TOM1L2: variants seen among roughly 807,000 people sequenced by gnomAD.
TOM1L2 encodes target of myb1 like 2 membrane trafficking protein.
TOM1L2 carries 31 observed loss-of-function variants against 67.9 expected under a neutral mutation model. That is an observed-to-expected ratio of 0.46 (90% CI 0.34 to 0.62). TOM1L2 has a LOEUF of 0.62. Ranked by LOEUF, TOM1L2 falls within the 20% of genes least tolerant of loss-of-function variation. The probability of loss-of-function intolerance (pLI) is 0.01; values close to 1 mark genes in which losing one functional copy is unlikely to be tolerated. For synonymous variants in TOM1L2, 256 were observed against 254.0 expected, an observed-to-expected ratio of 1.01 and a Z score of -0.07; for missense variants, 606 against 663.5, an observed-to-expected ratio of 0.91 and a Z score of 0.95.
At position 17,913,273 on chromosome 17, in the gene TOM1L2, G is replaced by A. The variant is rs902132347; in HGVS notation, c.53-5742C>T. On this transcript the variant is annotated intron_variant, in intron 1 of 14. Transcript: ENST00000379504. ...CGTGGGGAGACGGGAGAGGGAGAGG[G>A]AGAGGGAGAGCTGGATTTCAAAGCT... Among the ~76,000 whole-genome samples, 26 of 149,630 alleles carry A rather than the reference G, an allele frequency of 1.7e-4. 1 individual carries two copies. Among genetic ancestry groups the A allele is most frequent in the Non-Finnish European group, 2.5e-4 (17 of 67,970 alleles).
chr17:17,956,741 G>A lies in TOM1L2; in HGVS notation c.52+15521C>T, dbSNP rs2041470740. Among the ~76,000 whole-genome samples, 10 of 152,324 alleles carry A rather than the reference G, an allele frequency of 6.6e-5. No homozygotes were observed. In the South Asian group the frequency reaches 2.1e-3, roughly 32 times the overall value. On this transcript the variant is annotated intron_variant, in intron 1 of 14. Coordinates refer to ENST00000379504, the MANE Select transcript of TOM1L2 (RefSeq NM_001082968.2). ...CCGCAGCTGCTGGCCTGGATGCTAA[G>A]CCCCTCACTGCCCGGGGCCTGCGGT...
At chr17:17,879,807 C>G in intron 6 of TOM1L2, 64 bp from the exon 7 acceptor site, 19 of 1,337,370 alleles carry the variant, frequency 1.4e-5, no homozygotes, top group Non-Finnish European at 1.9e-5. Flanking sequence ...CTTGCAATAT[C>G]AGAATCAGCT....
intron 1 of TOM1L2, among the ~76,000 whole-genome samples, chr17:17,948,417 G>C: frequency 6.6e-6 from 1 of 152,228 alleles, no homozygotes; most frequent in East Asian, 1.9e-4. Context: ...GGGAGGCCAA[G>C]GCAGGCAGAT....
chr17:17,943,676 A>C (rs1598383248), intron 1 of TOM1L2, among the ~76,000 whole-genome samples: 1 of 152,262 alleles, frequency 6.6e-6, no homozygotes, highest in East Asian at 1.9e-4. Flanking sequence ...ACACTGCCCC[A>C]GGTGGTCTGC....
In TOM1L2 at chr17:17,871,055, A is replaced by G. The variant is rs113843062; in HGVS notation, c.778-1582T>C. On this transcript the variant is annotated intron_variant, in intron 7 of 14. Coordinates refer to ENST00000379504, the MANE Select transcript of TOM1L2 (RefSeq NM_001082968.2). Reference sequence around the variant, plus strand: ...GCTCTCCCCAAGTACTTCTGAGAGAATTAATTAATGACTCTAAAGTATTCA... The same window carrying G: ...GCTCTCCCCAAGTACTTCTGAGAGAGTTAATTAATGACTCTAAAGTATTCA... Among the ~76,000 whole-genome samples, 1,414 of 152,326 alleles carry G rather than the reference A, an allele frequency of 9.3e-3. 25 individuals carry two copies. The highest frequency in any genetic ancestry group is 0.033 in the African/African-American group (1,365 of 41,554).
intron 1 of TOM1L2, among the ~76,000 whole-genome samples, chr17:17,920,315 C>T (rs976208608): frequency 2.7e-5 from 4 of 149,478 alleles, no homozygotes; most frequent in African/African-American, 7.4e-5. Flanking sequence ...CTCTTCTCAC[C>T]GTTTCCGCTA....
At chr17:17,968,027 G>C (rs1264414566) in intron 1 of TOM1L2, among the ~76,000 whole-genome samples, 1 of 152,218 alleles carries the variant, frequency 6.6e-6, no homozygotes, top group Non-Finnish European at 1.5e-5. Context: ...CCGCTAACTT[G>C]AGATGAACAC....
chr17:17,878,186 A>C (rs2037521834), intron 7 of TOM1L2, among the ~76,000 whole-genome samples: 1 of 152,246 alleles, frequency 6.6e-6, no homozygotes, highest in African/African-American at 2.4e-5. Context: ...ATTCAAGGGA[A>C]GCCAGGTCCC....
At position 17,882,801 on chromosome 17, in the gene TOM1L2, A is replaced by G; in HGVS notation, c.564T>C (p.Ser188=). The G allele has an allele frequency of 6.2e-7, 1 of 1,614,188 alleles. No homozygotes were observed. The highest frequency in any genetic ancestry group is 1.7e-5 in the Admixed American group (1 of 60,028). Residue 188 remains serine (S), a synonymous_variant, in exon 6 of 15, where the codon AGT becomes AGC. Coordinates refer to ENST00000379504, the MANE Select transcript of TOM1L2 (RefSeq NM_001082968.2). ...GAGGCGGCGAGGAATAGGAACCAGC[A>G]CTTGTCCTCTGCTGTGATTGGGACC... is the stretch of plus-strand genomic sequence containing the variant. ...MPRSQSQQRT[S]AGSYSSPPPA... is the part of the protein sequence containing the mutation.
At chr17:17,908,829 A>G (rs1200381857) in intron 1 of TOM1L2, among the ~76,000 whole-genome samples, 2 of 152,210 alleles carry the variant, frequency 1.3e-5, no homozygotes, top group East Asian at 3.8e-4. Flanking sequence ...ACCCCTTTAC[A>G]CTTTTGATGG....
intron 1 of TOM1L2, among the ~76,000 whole-genome samples, chr17:17,947,546 C>G (rs987349501): frequency 6.6e-6 from 1 of 152,142 alleles, no homozygotes; most frequent in Admixed American, 6.5e-5. Flanking sequence ...TGGCAAGCCA[C>G]GGAAAGAGGC....
At chr17:17,960,052 T>C (rs1181642016) in intron 1 of TOM1L2, among the ~76,000 whole-genome samples, 2 of 152,246 alleles carry the variant, frequency 1.3e-5, no homozygotes, top group African/African-American at 4.8e-5. Flanking sequence ...GAGGAAATTC[T>C]CAGAAAACTT....
Position 17,867,083 on chromosome 17 carries a change from C to T in TOM1L2, c.912-159G>A, listed in dbSNP as rs576929620. Among the ~76,000 whole-genome samples, 400 of 152,226 alleles carry T rather than the reference C, an allele frequency of 2.6e-3. 2 individuals are homozygous for T. The highest frequency in any genetic ancestry group is 9.3e-3 in the African/African-American group (385 of 41,522). ...CCATATATCAACTCTGCCACGGCTT[C>T]CTCTGTGTGGGGCTCCCCCTGAGAG... On this transcript the variant is annotated intron_variant, in intron 8 of 14. Coordinates refer to ENST00000379504, the MANE Select transcript of TOM1L2 (RefSeq NM_001082968.2).
At chr17:17,959,547 C>T (rs2041602951) in intron 1 of TOM1L2, among the ~76,000 whole-genome samples, 1 of 152,178 alleles carries the variant, frequency 6.6e-6, no homozygotes, top group South Asian at 2.1e-4. Context: ...ATAGGAGACT[C>T]TCGCTCTCTG....
chr17:17,911,558 G>A (rs1171214699), intron 1 of TOM1L2, among the ~76,000 whole-genome samples: 2 of 152,220 alleles, frequency 1.3e-5, no homozygotes, highest in Non-Finnish European at 2.9e-5. Context: ...CTGGCCTGGG[G>A]ACAGGACTGA....
intron 6 of TOM1L2, 75 bp from the exon 7 acceptor site, chr17:17,879,818 T>G (rs2037623612): frequency 1.6e-6 from 2 of 1,261,000 alleles, no homozygotes; most frequent in South Asian, 2.4e-5. Flanking sequence ...AGAATCAGCT[T>G]GCTCCTAGTC....
chr17:17,844,038 G>A lies in TOM1L2; in HGVS notation c.*3597C>T, dbSNP rs2035518115. On this transcript the variant is annotated 3_prime_UTR_variant, in exon 15 of 15. Coordinates refer to ENST00000379504, the MANE Select transcript of TOM1L2 (RefSeq NM_001082968.2). ...GGAAGGCCTACTGTAACCCAAGTGG[G>A]TGAGACGTCCCCAAAGCCGACAGTG... 6.6e-6 allele frequency: 1 copy of A among 152,492 alleles called. No individual in the cohort carries two copies. Among genetic ancestry groups the A allele is most frequent in the African/African-American group, 2.4e-5 (1 of 41,460 alleles). 9.4% of individuals were successfully genotyped at this position (152,492 alleles called of 1,614,324 possible). A position where few individuals can be genotyped will look rare whatever the true frequency, so the allele number is the denominator to read the frequency against.
intron 13 of TOM1L2, among the ~76,000 whole-genome samples, chr17:17,850,134 G>C (rs911545212): frequency 2.6e-5 from 4 of 152,202 alleles, no homozygotes; most frequent in African/African-American, 9.7e-5. Flanking sequence ...GGTGTCTCCA[G>C]CTCTGGGGGA....
At chr17:17,892,371 C>T (rs1297946068) in intron 4 of TOM1L2, among the ~76,000 whole-genome samples, 2 of 152,226 alleles carry the variant, frequency 1.3e-5, no homozygotes, top group African/African-American at 2.4e-5. Flanking sequence ...TTTGTCTCTC[C>T]TCTTGGCTCC....
Sources: allele counts gnomAD v4.1 joint callset (sites outside exome capture counted in the v4.1 genomes callset), GRCh38; gene constraint gnomAD v4.1.1; transcripts MANE v1.5; gene names NCBI Gene and HGNC (gene_info 2026-07-23, HGNC 2026-07-21).